Variants in C1orf159 observed in about 807,000 individuals in gnomAD.
C1orf159 encodes the protein chromosome 1 open reading frame 159, also known as uncharacterized protein C1orf159.
Under a neutral mutation model 25.6 loss-of-function variants are expected in C1orf159, and 19 were observed. The observed-to-expected ratio is 0.74, with a 90% CI of 0.52 to 1.09. The LOEUF (loss-of-function observed/expected upper bound fraction) is 1.09, where lower values mean the gene tolerates loss of function less well. C1orf159 is among the 50% of genes least tolerant of loss of function. The pLI, the probability that C1orf159 is intolerant of heterozygous loss-of-function variation, is 0.00. For missense variants in C1orf159, 274 were observed against 290.6 expected, an observed-to-expected ratio of 0.94 and a Z score of 0.42; for synonymous variants, 139 against 124.7, an observed-to-expected ratio of 1.12 and a Z score of -0.77.
Position 1,087,060 on chromosome 1 carries a change from G to A in C1orf159, c.310+79C>T, listed in dbSNP as rs538265696. 514 of 1,400,328 alleles carry A rather than the reference G, an allele frequency of 3.7e-4. No homozygotes were observed. Among genetic ancestry groups the A allele is most frequent in the Non-Finnish European group, 4.4e-4 (443 of 1,013,710 alleles). 86.7% of individuals were successfully genotyped at this position (1,400,328 alleles called of 1,614,324 possible). A position where few individuals can be genotyped will look rare whatever the true frequency, so the allele number is the denominator to read the frequency against. ...CTGAGCCTGCTGTGGCTGCGTCAAG[G>A]GTGAGGGTCTGCACTGGCTCCGACG... On this transcript the variant is annotated intron_variant, in intron 6 of 9. Coordinates refer to ENST00000421241, the MANE Select transcript of C1orf159 (RefSeq NM_017891.5). This position sits in a 1 kb window ranked among gnomAD's most constrained non-coding sequence, Gnocchi z 8.3.
Position 1,082,962 on chromosome 1 carries a change from C to T in C1orf159, c.528G>A (p.Arg176=), listed in dbSNP as rs1645768507. The change falls in exon 10 of 10, where the codon CGG becomes CGA. Residue 176 remains arginine, a synonymous_variant. Transcript: ENST00000421241. ...SSVRKPRYVR[R]ERPLDRATDP... is the part of the protein sequence containing the mutation. ...CCGTGGCCCTGTCCAGGGGCCGCTCCCGCCTGACGTAGCGCGGCTTCCGTA... is the reference window on the plus strand; with the variant it reads ...CCGTGGCCCTGTCCAGGGGCCGCTCTCGCCTGACGTAGCGCGGCTTCCGTA... The T allele has an allele frequency of 1.2e-6, 2 of 1,602,132 alleles. No homozygotes were observed. The highest frequency in any genetic ancestry group is 2.2e-5 in the East Asian group (1 of 44,462).
At chr1:1,109,092 TG>T (rs59965861) in intron 1 of C1orf159, among the ~76,000 whole-genome samples, 2 of 150,862 alleles carry the variant, frequency 1.3e-5, no homozygotes, top group Non-Finnish European at 2.9e-5. Context: ...CCACCATGTC[TG>T]CAGCAGCATT....
At chr1:1,103,912 C>G (rs571606668) in intron 1 of C1orf159, among the ~76,000 whole-genome samples, 1 of 152,184 alleles carries the variant, frequency 6.6e-6, no homozygotes, top group South Asian at 2.1e-4. Context: ...AAATGCCTGG[C>G]CTCAAGCAAT....
At position 1,092,012 on chromosome 1, in the gene C1orf159, T is replaced by G. The variant is rs1474253687; in HGVS notation, c.-44A>C. The G allele has an allele frequency of 8.8e-6, 4 of 456,754 alleles. No homozygotes were observed. Among genetic ancestry groups the G allele is most frequent in the East Asian group, 6.9e-5 (1 of 14,458 alleles). The allele number at this position is 456,754 out of a possible 1,614,324, so 28.3% of individuals were successfully genotyped here. A position where few individuals can be genotyped will look rare whatever the true frequency, so the allele number is the denominator to read the frequency against. ...TTACCTGCCCCTCCAGGATGGGGACTACCGACATCAGCCCTTTGCCCGCCT... is the reference window on the plus strand; with the variant it reads ...TTACCTGCCCCTCCAGGATGGGGACGACCGACATCAGCCCTTTGCCCGCCT... On this transcript the variant is annotated 5_prime_UTR_variant, in exon 2 of 10. Coordinates refer to ENST00000421241, the MANE Select transcript of C1orf159 (RefSeq NM_017891.5).
At position 1,087,093 on chromosome 1, in the gene C1orf159, G is replaced by A; in HGVS notation, c.310+46C>T. 1 of 1,573,800 alleles carries A rather than the reference G, an allele frequency of 6.4e-7. No individual in the cohort carries two copies. The highest frequency in any genetic ancestry group is 8.6e-7 in the Non-Finnish European group (1 of 1,156,722). ...TCTGCACTGGCTCCGACGGCCCCCAGCCCCCAGGACACCGGCAGAGGTGGC... is the reference window on the plus strand; with the variant it reads ...TCTGCACTGGCTCCGACGGCCCCCAACCCCCAGGACACCGGCAGAGGTGGC... On this transcript the variant is annotated intron_variant, in intron 6 of 9. Transcript: ENST00000421241. This position sits in a 1 kb window ranked among gnomAD's most constrained non-coding sequence, Gnocchi z 8.3.
At chr1:1,113,513 CCCT>C (rs1030855015) in intron 1 of C1orf159, among the ~76,000 whole-genome samples, 1 of 152,082 alleles carries the variant, frequency 6.6e-6, no homozygotes, top group East Asian at 1.9e-4. Context: ...CTGCCTCAGT[CCCT>C]CGAGTAGCTG....
chr1:1,112,633 G>A (rs192006474), intron 1 of C1orf159, among the ~76,000 whole-genome samples: 144 of 152,232 alleles, frequency 9.5e-4, no homozygotes, highest in African/African-American at 3.2e-3. Context: ...TGAACACACC[G>A]GGCATGCTCC....
chr1:1,103,737 G>A (rs935505895), intron 1 of C1orf159, among the ~76,000 whole-genome samples: 3 of 152,158 alleles, frequency 2.0e-5, no homozygotes, highest in Non-Finnish European at 2.9e-5. Context: ...TTTTTTGCTT[G>A]TTTGTTTTCT....
intron 1 of C1orf159, 88 bp from the exon 2 acceptor site, chr1:1,092,191 C>T: frequency 8.9e-6 from 3 of 336,324 alleles, no homozygotes; most frequent in Non-Finnish European, 1.2e-5. Flanking sequence ...TGGGTCCGGT[C>T]CGGGCCCTCT....
At chr1:1,111,675 G>A (rs1039881807) in intron 1 of C1orf159, among the ~76,000 whole-genome samples, 10 of 152,302 alleles carry the variant, frequency 6.6e-5, no homozygotes, top group South Asian at 4.1e-4. Flanking sequence ...CACGCTCACC[G>A]TAACTCCAGC....
intron 1 of C1orf159, among the ~76,000 whole-genome samples, chr1:1,101,026 T>C (rs796876141): frequency 3.5e-4 from 54 of 152,380 alleles, no homozygotes; most frequent in African/African-American, 1.3e-3. Context: ...CACTGTAGTA[T>C]ATACTATCTT....
chr1:1,087,780 C>T lies in C1orf159; in HGVS notation c.149-183G>A. 1.7e-6 allele frequency: 1 copy of T among 603,660 alleles called. No homozygotes were observed. Among genetic ancestry groups the T allele is most frequent in the East Asian group, 2.8e-5 (1 of 36,152 alleles). 37.4% of individuals were successfully genotyped at this position (603,660 alleles called of 1,614,324 possible). A position where few individuals can be genotyped will look rare whatever the true frequency, so the allele number is the denominator to read the frequency against. ...GGAGCATGGCGGGGCCGTGAGCACCCCACGCTGAGTACTCCACACTGCGCA... is the reference window on the plus strand; with the variant it reads ...GGAGCATGGCGGGGCCGTGAGCACCTCACGCTGAGTACTCCACACTGCGCA... On this transcript the variant is annotated intron_variant, in intron 4 of 9. Coordinates refer to ENST00000421241, the MANE Select transcript of C1orf159 (RefSeq NM_017891.5). The surrounding 1 kb of genome is among the most constrained non-coding windows in gnomAD (Gnocchi z 8.3).
chr1:1,098,060 C>T (rs936920813), intron 1 of C1orf159, among the ~76,000 whole-genome samples: 1 of 151,670 alleles, frequency 6.6e-6, no homozygotes, highest in Non-Finnish European at 1.5e-5. Context: ...TTATTTTTTC[C>T]CCACCTGAGT....
At position 1,110,693 on chromosome 1, in the gene C1orf159, C is replaced by T. The variant is rs11590188; in HGVS notation, c.-136+5367G>A. 4.6e-5 allele frequency among the ~76,000 whole-genome samples: 7 copies of T among 151,998 alleles called. No individual in the cohort carries two copies. Among genetic ancestry groups the T allele is most frequent in the South Asian group, 2.1e-4 (1 of 4,830 alleles). On this transcript the variant is annotated intron_variant, in intron 1 of 9. Transcript: ENST00000421241. This position sits in a 1 kb window ranked among gnomAD's most constrained non-coding sequence, Gnocchi z 4.8. ...GCACGTTCCCAAGAGAAACAACACA[C>T]GCCCGCCAAACACGTGCACAAAAAT... is the stretch of plus-strand genomic sequence containing the variant.
At chr1:1,099,027 G>A (rs1646049980) in intron 1 of C1orf159, among the ~76,000 whole-genome samples, 1 of 152,182 alleles carries the variant, frequency 6.6e-6, no homozygotes, top group Non-Finnish European at 1.5e-5. Context: ...CGGAGACAGA[G>A]AGGTTAAAAT....
At chr1:1,100,848 G>A (rs1646090761) in intron 1 of C1orf159, among the ~76,000 whole-genome samples, 1 of 152,148 alleles carries the variant, frequency 6.6e-6, no homozygotes, top group Non-Finnish European at 1.5e-5. Flanking sequence ...TATGCAAAAT[G>A]TAGACATGTA....
intron 1 of C1orf159, among the ~76,000 whole-genome samples, chr1:1,108,793 T>C (rs1330220178): frequency 5.2e-5 from 4 of 76,586 alleles, no homozygotes; most frequent in Admixed American, 1.4e-4. Flanking sequence ...TCGGCACCGT[T>C]CACCACAGCC....
chr1:1,093,422 C>T (rs1337223989), intron 1 of C1orf159, among the ~76,000 whole-genome samples: 1 of 152,206 alleles, frequency 6.6e-6, no homozygotes, highest in Non-Finnish European at 1.5e-5. Flanking sequence ...AGTACACAAG[C>T]GGGTGAGTGT....
At chr1:1,086,527 G>A (rs1645832990) in intron 6 of C1orf159, among the ~76,000 whole-genome samples, 1 of 152,250 alleles carries the variant, frequency 6.6e-6, no homozygotes, top group Non-Finnish European at 1.5e-5. Flanking sequence ...GCTGCTGGGT[G>A]TGCTCTGAGA....
Sources: gnomAD v4.1 joint callset for allele counts (sites outside exome capture counted in the v4.1 genomes callset) on GRCh38, gnomAD v4.1.1 for gene constraint, Gnocchi (gnomAD v3.1) non-coding constraint, MANE v1.5 for transcripts, NCBI Gene and HGNC (gene_info 2026-07-23, HGNC 2026-07-21) for gene names.